POU2F1: variants seen among roughly 807,000 people sequenced by gnomAD.
POU2F1 encodes the protein POU class 2 homeobox 1.
Under a neutral mutation model 84.9 loss-of-function variants are expected in POU2F1, and 16 were observed. The ratio of observed to expected loss-of-function variants is 0.19; its 90% confidence interval spans 0.13 to 0.29. The LOEUF is 0.29. POU2F1 is among the 10% of genes least tolerant of loss of function. The probability of loss-of-function intolerance (pLI) is 1.00; values close to 1 mark genes in which losing one functional copy is unlikely to be tolerated. For synonymous variants in POU2F1, 368 were observed against 368.3 expected (o/e 1.00, Z 0.01); for missense variants, 738 against 942.6 (o/e 0.78, Z 2.84).
intron 4 of POU2F1, among the ~76,000 whole-genome samples, chr1:167,371,278 G>C (rs564580869): frequency 2.0e-5 from 3 of 152,294 alleles, no homozygotes; most frequent in African/African-American, 7.2e-5. Context: ...ATTAATCAGA[G>C]CATTTATGTT....
chr1:167,228,669 G>A (rs1055702739), intron 1 of POU2F1, among the ~76,000 whole-genome samples: 4 of 152,118 alleles, frequency 2.6e-5, no homozygotes, highest in Admixed American at 6.5e-5. Flanking sequence ...ACATGCATAG[G>A]CAATTACGTT....
At chr1:167,401,315 C>T in intron 12 of POU2F1, 136 bp from the exon 13 acceptor site, 1 of 554,716 alleles carries the variant, frequency 1.8e-6, no homozygotes, top group Non-Finnish European at 3.1e-6. Context: ...CAGTGAACAA[C>T]CATCTTCGAA....
intron 1 of POU2F1, among the ~76,000 whole-genome samples, chr1:167,297,420 C>G (rs1654357675): frequency 6.6e-6 from 1 of 152,254 alleles, no homozygotes; most frequent in East Asian, 1.9e-4. Flanking sequence ...TTTGCTTTAC[C>G]CTCATGGTTG....
In POU2F1 at chr1:167,366,025, G is replaced by A. The variant is rs762911772; in HGVS notation, c.228+458G>A. Among the ~76,000 whole-genome samples the A allele has an allele frequency of 8.5e-5, 13 of 152,138 alleles. No individual in the cohort carries two copies. The South Asian group carries it at 1.0e-3, about 12-fold the overall frequency. ...AGGCTTTTGCTTGACTGTGACCCCCGCACCCTAGTTTGAGGTTCAAAAGAC... is the reference window on the plus strand; with the variant it reads ...AGGCTTTTGCTTGACTGTGACCCCCACACCCTAGTTTGAGGTTCAAAAGAC... On this transcript the variant is annotated intron_variant, in intron 3 of 15. Coordinates refer to ENST00000367866, the MANE Select transcript of POU2F1 (RefSeq NM_002697.4).
At chr1:167,324,488 T>C (rs1414431178) in intron 1 of POU2F1, among the ~76,000 whole-genome samples, 1 of 152,242 alleles carries the variant, frequency 6.6e-6, no homozygotes, top group Non-Finnish European at 1.5e-5. Flanking sequence ...TGTGTATTTA[T>C]ATGCTTTGGG....
chr1:167,356,163 C>CTTTTTTTTTTTT (rs1187844604), intron 2 of POU2F1, among the ~76,000 whole-genome samples: 1 of 129,850 alleles, frequency 7.7e-6, no homozygotes. Flanking sequence ...TTTTCTTTTT[C>CTTTTTTTTTTTT]TTTTTTTTTT....
intron 2 of POU2F1, chr1:167,357,380 C>CCCCA (rs1659027589): frequency 3.3e-4 from 1 of 3,002 alleles, no homozygotes; most frequent in Non-Finnish European, 8.1e-4. Flanking sequence ...CCCCCCCCCA[C>CCCCA]CCCCCCCCGC....
At position 167,343,464 on chromosome 1, in the gene POU2F1, A is replaced by AT. The variant is rs951306329; in HGVS notation, c.127+10937dup. Among the ~76,000 whole-genome samples the AT allele has an allele frequency of 2.0e-5, 3 of 151,120 alleles. No individual in the cohort carries two copies. In the East Asian group the frequency reaches 5.8e-4, roughly 29 times the overall value. On this transcript the variant is annotated intron_variant, in intron 2 of 15. Coordinates refer to ENST00000367866, the MANE Select transcript of POU2F1 (RefSeq NM_002697.4). ...AGTTTTATTTCATGTTACTTTTTTC[A>AT]TTTTTTTTCCTAACAGATATTAAAG... is the stretch of plus-strand genomic sequence containing the variant.
At chr1:167,254,435 A>C (rs1650980970) in intron 1 of POU2F1, among the ~76,000 whole-genome samples, 1 of 152,240 alleles carries the variant, frequency 6.6e-6, no homozygotes, top group South Asian at 2.1e-4. Flanking sequence ...ATATTCATTA[A>C]ATTGAATTTT....
chr1:167,254,342 A>G (rs1030728905), intron 1 of POU2F1, among the ~76,000 whole-genome samples: 5 of 152,202 alleles, frequency 3.3e-5, no homozygotes, highest in Non-Finnish European at 5.9e-5. Flanking sequence ...TTTGTTTCTT[A>G]GCATCCTGAG....
At position 167,415,792 on chromosome 1, in the gene POU2F1, C is replaced by T. The variant is rs771468969; in HGVS notation, c.2283C>T (p.Thr761=). ...GCGGGGCTGCGTCCACCACCACCAC[C>T]GCCTCCAAGGCACAGTGAGCTGGGC... is the stretch of plus-strand genomic sequence containing the variant. ...SASGAASTTT[T]ASKAQ is the part of the protein sequence containing the mutation. The change falls in exon 16 of 16, where the codon ACC becomes ACT. Residue 761 remains threonine, a synonymous_variant. Transcript: ENST00000367866. 26 of 1,613,840 alleles carry T rather than the reference C, an allele frequency of 1.6e-5. No individual in the cohort carries two copies. The highest frequency in any genetic ancestry group is 1.6e-4 in the Middle Eastern group (1 of 6,084).
chr1:167,308,485 T>C (rs1441528608), intron 1 of POU2F1, among the ~76,000 whole-genome samples: 1 of 152,056 alleles, frequency 6.6e-6, no homozygotes, highest in Non-Finnish European at 1.5e-5. Context: ...AACTGTAAAT[T>C]TTCATCACCA....
intron 1 of POU2F1, among the ~76,000 whole-genome samples, chr1:167,276,450 G>GTA (rs112638475): frequency 9.8e-4 from 149 of 151,686 alleles, no homozygotes; most frequent in East Asian, 4.4e-3. Flanking sequence ...TTAATCATAG[G>GTA]TATATATATA....
At position 167,418,351 on chromosome 1, in the gene POU2F1, C is replaced by A. The variant is rs1235949578; in HGVS notation, c.*2541C>A. ...TGTCAATTACTAATTTCTCTCCTCT[C>A]CATTCACTTTTTCTCTGTTGTAGTT... On this transcript the variant is annotated 3_prime_UTR_variant, in exon 16 of 16. Coordinates refer to ENST00000367866, the MANE Select transcript of POU2F1 (RefSeq NM_002697.4). 1 of 152,146 alleles carries A rather than the reference C, an allele frequency of 6.6e-6. No homozygotes were observed. The allele number at this position is 152,146 out of a possible 1,614,324, so 9.4% of individuals were successfully genotyped here.
chr1:167,401,366 AAG>A (rs1445531485), intron 12 of POU2F1, 83 bp from the exon 13 acceptor site: 1 of 901,404 alleles, frequency 1.1e-6, no homozygotes, highest in Non-Finnish European at 1.7e-6. Context: ...TCTCAATTCC[AAG>A]ATCAAAGAAA....
intron 2 of POU2F1, among the ~76,000 whole-genome samples, chr1:167,335,175 G>A (rs1657360173): frequency 6.6e-6 from 1 of 152,162 alleles, no homozygotes; most frequent in South Asian, 2.1e-4. Context: ...TATGTGTAAA[G>A]TACTATAATC....
chr1:167,240,165 A>G (rs1401294957), intron 1 of POU2F1, among the ~76,000 whole-genome samples: 1 of 152,192 alleles, frequency 6.6e-6, no homozygotes, highest in African/African-American at 2.4e-5. Context: ...TTTTCTTACT[A>G]TATCAAGTTC....
chr1:167,330,199 C>T (rs184985279), intron 1 of POU2F1, among the ~76,000 whole-genome samples: 4 of 152,246 alleles, frequency 2.6e-5, no homozygotes, highest in East Asian at 1.9e-4. Context: ...GGATATCTTA[C>T]ATTTAAAACT....
chr1:167,335,548 A>G (rs2101738642), intron 2 of POU2F1, among the ~76,000 whole-genome samples: 1 of 152,304 alleles, frequency 6.6e-6, no homozygotes, highest in East Asian at 1.9e-4. Context: ...AGAAGCAAAT[A>G]TTATACAGTA....
Sources: gnomAD v4.1 joint callset for allele counts (sites outside exome capture counted in the v4.1 genomes callset) on GRCh38, gnomAD v4.1.1 for gene constraint, MANE v1.5 for transcripts, NCBI Gene and HGNC (gene_info 2026-07-23, HGNC 2026-07-21) for gene names.